Variants in EPHA2 observed in about 807,000 individuals in gnomAD.
EPHA2 encodes the protein EPH receptor A2.
In EPHA2, 54 loss-of-function variants were observed where a neutral mutation model predicts 104.9. The ratio of observed to expected loss-of-function variants is 0.51; its 90% CI spans 0.41 to 0.65. The LOEUF is 0.65. EPHA2 is among the 30% of genes least tolerant of loss of function. EPHA2 has a pLI of 0.00. For missense variants in EPHA2, 1,117 were observed against 1,369.5 expected, an observed-to-expected ratio of 0.82 and a Z score of 2.91; for synonymous variants, 560 against 559.1, an observed-to-expected ratio of 1.00 and a Z score of -0.02.
chr1:16,130,290 T>C lies in EPHA2; in HGVS notation c.2605A>G (p.Ser869Gly). Residue 869 changes from serine (S) to glycine (G), a missense_variant, in exon 15 of 17, where the codon AGC (serine) becomes GGC (glycine). Physicochemically the swap from Ser to Gly is moderately conservative, Grantham distance 56 (BLOSUM62 0). Transcript: ENST00000358432. The surrounding 1 kb of genome is among the most constrained non-coding windows in gnomAD (Gnocchi z 4.5). Reference protein sequence around the residue: ...ARRPKFADIVSILDKLIRAPD... With the variant: ...ARRPKFADIVGILDKLIRAPD... The stretch of plus-strand genomic sequence containing the variant: ...GCACGAATGAGCTTGTCCAGGATGC[T>C]GACGATGTCAGCGAACTTGGGGCGG... 1 of 1,612,992 alleles carries C rather than the reference T, an allele frequency of 6.2e-7. No homozygotes were observed. The highest frequency in any genetic ancestry group is 8.5e-7 in the Non-Finnish European group (1 of 1,179,232).
intron 3 of EPHA2, among the ~76,000 whole-genome samples, chr1:16,141,263 T>C (rs1314939094): frequency 6.6e-6 from 1 of 152,142 alleles, no homozygotes; most frequent in African/African-American, 2.4e-5. Context: ...CAGAAAAGTG[T>C]AGACTCCAGC....
In EPHA2 at chr1:16,128,646, C is replaced by G. The variant is rs928760486; in HGVS notation, c.2825+788G>C. ...AAAGGCTAAGAGGATAGGGTCTCCC[C>G]CTTCCTGGGACAGGAGGAGGTGTCT... On this transcript the variant is annotated intron_variant, in intron 16 of 16. Coordinates refer to ENST00000358432, the MANE Select transcript of EPHA2 (RefSeq NM_004431.5). The surrounding 1 kb of genome is among the most constrained non-coding windows in gnomAD (Gnocchi z 4.7). Among the ~76,000 whole-genome samples, 3 of 152,208 alleles carry G rather than the reference C, an allele frequency of 2.0e-5. No individual in the cohort carries two copies. Among genetic ancestry groups the G allele is most frequent in the African/African-American group, 7.2e-5 (3 of 41,446 alleles).
chr1:16,133,089 G>T, intron 11 of EPHA2, 91 bp downstream of exon 11: 1 of 1,551,002 alleles, frequency 6.4e-7, no homozygotes, highest in Non-Finnish European at 8.7e-7. Flanking sequence ...GGGAAGGTGG[G>T]CACAGGTATA....
rs187764312 is a variant in EPHA2, at chr1:16,134,319, C to T, written c.1682+149G>A. On this transcript the variant is annotated intron_variant, in intron 8 of 16. Coordinates refer to ENST00000358432, the MANE Select transcript of EPHA2 (RefSeq NM_004431.5). This position sits in a 1 kb window ranked among gnomAD's most constrained non-coding sequence, Gnocchi z 4.5. ...CGTGCCAGGCACTTCGCTACACACT[C>T]TAACTCGTATATCCTCGCACCATCC... 1.1e-6 allele frequency: 1 copy of T among 923,954 alleles called. No homozygotes were observed. Among genetic ancestry groups the T allele is most frequent in the East Asian group, 2.6e-5 (1 of 37,938 alleles). 57.2% of individuals were successfully genotyped at this position (923,954 alleles called of 1,614,324 possible). A position where few individuals can be genotyped will look rare whatever the true frequency, so the allele number is the denominator to read the frequency against.
In EPHA2 at chr1:16,134,455, G is replaced by T. The variant is rs1392154060; in HGVS notation, c.1682+13C>A. The T allele has an allele frequency of 6.2e-7, 1 of 1,613,692 alleles. No homozygotes were observed. Among genetic ancestry groups the T allele is most frequent in the Non-Finnish European group, 8.5e-7 (1 of 1,179,864 alleles). On this transcript the variant is annotated intron_variant, in intron 8 of 16. Coordinates refer to ENST00000358432, the MANE Select transcript of EPHA2 (RefSeq NM_004431.5). This position sits in a 1 kb window ranked among gnomAD's most constrained non-coding sequence, Gnocchi z 4.5. Reference sequence around the variant, plus strand: ...CAAGCCCATGTGGAGCCAGGGTATGGGCTCTGACGAACCTGCGGTGGATAA... The same window carrying T: ...CAAGCCCATGTGGAGCCAGGGTATGTGCTCTGACGAACCTGCGGTGGATAA...
chr1:16,133,068 G>A, intron 11 of EPHA2, 112 bp downstream of exon 11: 2 of 1,411,878 alleles, frequency 1.4e-6, no homozygotes, highest in East Asian at 2.4e-5. Flanking sequence ...GGAGGTGGGT[G>A]CAGGTGTGGG....
intron 16 of EPHA2, among the ~76,000 whole-genome samples, chr1:16,126,824 C>T (rs1224495007): frequency 6.6e-6 from 1 of 152,152 alleles, no homozygotes; most frequent in Admixed American, 6.5e-5. Flanking sequence ...TTGTAAGCTC[C>T]AGGAGGACAA....
intron 1 of EPHA2, chr1:16,153,394 C>T: frequency 1.1e-6 from 1 of 921,688 alleles, no homozygotes; most frequent in South Asian, 5.0e-5. Context: ...GGAAAGGGGA[C>T]AGAGGGCAGA....
At position 16,134,716 on chromosome 1, in the gene EPHA2, C is replaced by A; in HGVS notation, c.1583-149G>T. ...AGGGTACTTAGTCCCATTTCATAGA[C>A]GGTCAAGCGGAGGCCTTCCCGAAGG... On this transcript the variant is annotated intron_variant, in intron 7 of 16. Coordinates refer to ENST00000358432, the MANE Select transcript of EPHA2 (RefSeq NM_004431.5). The surrounding 1 kb of genome is among the most constrained non-coding windows in gnomAD (Gnocchi z 4.5). The A allele has an allele frequency of 1.1e-6, 1 of 917,940 alleles. No homozygotes were observed. The highest frequency in any genetic ancestry group is 1.7e-6 in the Non-Finnish European group (1 of 575,410). The allele number at this position is 917,940 out of a possible 1,614,324, so 56.9% of individuals were successfully genotyped here.
intron 1 of EPHA2, among the ~76,000 whole-genome samples, chr1:16,151,326 G>A (rs893507720): frequency 6.6e-6 from 1 of 152,168 alleles, no homozygotes; most frequent in African/African-American, 2.4e-5. Context: ...GCTGAGCAGG[G>A]TATTAAGTGA....
chr1:16,126,462 G>A (rs974040879), intron 16 of EPHA2, among the ~76,000 whole-genome samples: 7 of 152,230 alleles, frequency 4.6e-5, no homozygotes, highest in Admixed American at 2.0e-4. Context: ...GCAGAGCAGG[G>A]AAGGGCAGAC....
intron 1 of EPHA2, chr1:16,153,248 C>T (rs1017824009): frequency 1.0e-6 from 1 of 985,328 alleles, no homozygotes; most frequent in African/African-American, 1.7e-5. Context: ...CCACCCACTC[C>T]CGGTCTCCGG....
intron 3 of EPHA2, among the ~76,000 whole-genome samples, chr1:16,141,593 C>T (rs542909543): frequency 6.6e-6 from 1 of 152,240 alleles, no homozygotes; most frequent in Non-Finnish European, 1.5e-5. Flanking sequence ...AGCCCAGGCT[C>T]TCAGGCCAGG....
chr1:16,151,993 C>T (rs1253000770), intron 1 of EPHA2, among the ~76,000 whole-genome samples: 2 of 152,196 alleles, frequency 1.3e-5, no homozygotes, highest in Non-Finnish European at 2.9e-5. Context: ...AGGTACTGTC[C>T]CCACTCTATT....
intron 3 of EPHA2, among the ~76,000 whole-genome samples, chr1:16,141,429 G>T (rs3768293): frequency 0.57 from 87,322 of 152,172 alleles, 25,673 homozygotes; most frequent in East Asian, 0.86. Context: ...CCAGATCTGT[G>T]AGTAAAACTG....
At chr1:16,153,051 G>C (rs577928565) in intron 1 of EPHA2, 1 of 916,788 alleles carries the variant, frequency 1.1e-6, no homozygotes, top group South Asian at 5.0e-5. Flanking sequence ...GGCTGACCCA[G>C]ACGGCTTCCT....
rs1463026305 is a variant in EPHA2 at position 16,148,212 on chromosome 1, C to G, written c.823+166G>C. On this transcript the variant is annotated intron_variant, in intron 3 of 16. Coordinates refer to ENST00000358432, the MANE Select transcript of EPHA2 (RefSeq NM_004431.5). The surrounding 1 kb of genome is among the most constrained non-coding windows in gnomAD (Gnocchi z 4.9). ...ATTCTTAATGAATGAGTTAGTCCAGCCTTAATAAGGAAACTGATGTCTGGG... is the reference window on the plus strand; with the variant it reads ...ATTCTTAATGAATGAGTTAGTCCAGGCTTAATAAGGAAACTGATGTCTGGG... Among the ~76,000 whole-genome samples, 1 of 152,184 alleles carries G rather than the reference C, an allele frequency of 6.6e-6. No individual in the cohort carries two copies. The highest frequency in any genetic ancestry group is 1.5e-5 in the Non-Finnish European group (1 of 68,044).
chr1:16,131,807 C>T lies in EPHA2; in HGVS notation c.2389G>A (p.Ala797Thr), dbSNP rs2124199196. ...ATGCCAAAGCTCCACACGTCGCTGG[C>T]AGAGGTGAACTTCCGGTAGGAAATG... Reference protein sequence around the residue: ...EAISYRKFTSASDVWSFGIVM... With the variant: ...EAISYRKFTSTSDVWSFGIVM... Residue 797 changes from alanine (A) to threonine (T), a missense_variant, in exon 14 of 17, where the codon GCC becomes ACC. Around this residue, in one of 3 missense-constraint regions of EPHA2, gnomAD observed 340 missense variants for 480.5 expected, o/e 0.71. Coordinates refer to ENST00000358432, the MANE Select transcript of EPHA2 (RefSeq NM_004431.5). The surrounding 1 kb of genome is among the most constrained non-coding windows in gnomAD (Gnocchi z 5.2). 6.2e-7 allele frequency: 1 copy of T among 1,614,134 alleles called. No homozygotes were observed. The highest frequency in any genetic ancestry group is 8.5e-7 in the Non-Finnish European group (1 of 1,180,036).
At chr1:16,126,482 T>C (rs917753557) in intron 16 of EPHA2, among the ~76,000 whole-genome samples, 5 of 152,032 alleles carry the variant, frequency 3.3e-5, no homozygotes, top group Admixed American at 2.0e-4. Context: ...CCCAGGTGAG[T>C]TGGGGGGACT....
Sources: allele counts gnomAD v4.1 joint callset (sites outside exome capture counted in the v4.1 genomes callset), GRCh38; gene constraint gnomAD v4.1.1; regional missense constraint gnomAD v4.1.1; non-coding constraint Gnocchi (gnomAD v3.1); transcripts MANE v1.5; gene names NCBI Gene and HGNC (gene_info 2026-07-23, HGNC 2026-07-21).